Variants in DBH observed in about 807,000 individuals in gnomAD.
DBH encodes dopamine beta-hydroxylase.
A neutral mutation model predicts 64.0 loss-of-function variants in DBH; 49 were observed. The ratio of observed to expected loss-of-function variants is 0.77; its 90% confidence interval spans 0.61 to 0.97. The LOEUF (loss-of-function observed/expected upper bound fraction) is 0.97, where lower values mean the gene tolerates loss of function less well. Among genes scored for constraint, DBH ranks in the 50% least tolerant of loss-of-function variants. The pLI is 0.00. For synonymous variants in DBH, 343 were observed against 347.1 expected (o/e 0.99, Z 0.13); for missense variants, 828 against 826.6 (o/e 1.00, Z -0.02).
chr9:133,648,414 C>A (rs1564211649), intron 6 of DBH, among the ~76,000 whole-genome samples: 1 of 152,224 alleles, frequency 6.6e-6, no homozygotes, highest in African/African-American at 2.4e-5. Flanking sequence ...CTCTTTGTGT[C>A]CTTCCAGACC....
chr9:133,646,413 G>A lies in DBH; in HGVS notation c.1025-1433G>A, dbSNP rs565345521. Among the ~76,000 whole-genome samples the A allele has an allele frequency of 1.5e-4, 23 of 152,248 alleles. No individual in the cohort carries two copies. In the South Asian group the frequency reaches 1.7e-3, roughly 11 times the overall value. ...TCCTCCGCCAACCATGAGCCCAGCC[G>A]GTACTCAGAGCCTGGCTGCTGATTC... On this transcript the variant is annotated intron_variant, in intron 5 of 11. Transcript: ENST00000393056.
chr9:133,658,010 T>C lies in DBH; in HGVS notation c.1723-306T>C, dbSNP rs550085746. 5.9e-5 allele frequency among the ~76,000 whole-genome samples: 9 copies of C among 152,190 alleles called. No homozygotes were observed. The East Asian group carries it at 1.5e-3, about 26-fold the overall frequency. On this transcript the variant is annotated intron_variant, in intron 11 of 11. Transcript: ENST00000393056. Reference sequence around the variant, plus strand: ...GAGGGGAAGAGATAGCTAAAAAATATCAGAGCCTGCAGCCAGGGGCTCTGG... The same window carrying C: ...GAGGGGAAGAGATAGCTAAAAAATACCAGAGCCTGCAGCCAGGGGCTCTGG...
chr9:133,647,764 G>T (rs1832199421), intron 5 of DBH, 82 bp from the exon 6 acceptor site: 8 of 1,560,560 alleles, frequency 5.1e-6, no homozygotes, highest in Non-Finnish European at 7.0e-6. Context: ...GGTGGCTGGG[G>T]TCATAGGGAT....
At chr9:133,637,933 C>T (rs1232886895) in intron 1 of DBH, among the ~76,000 whole-genome samples, 3 of 152,248 alleles carry the variant, frequency 2.0e-5, no homozygotes, top group Non-Finnish European at 2.9e-5. Flanking sequence ...AGACCTGGGA[C>T]AGCCCTGATT....
chr9:133,647,126 T>C (rs1832190855), intron 5 of DBH, among the ~76,000 whole-genome samples: 1 of 152,124 alleles, frequency 6.6e-6, no homozygotes, highest in East Asian at 1.9e-4. Flanking sequence ...GCCCTCCTCC[T>C]GGGGGGCCAC....
intron 6 of DBH, among the ~76,000 whole-genome samples, chr9:133,650,449 T>C (rs1169542489): frequency 1.3e-5 from 2 of 150,032 alleles, no homozygotes; most frequent in East Asian, 1.9e-4. Flanking sequence ...TTCCTTCTTT[T>C]CTTTCCTTTC....
At chr9:133,639,695 G>A in intron 1 of DBH, 151 bp from the exon 2 acceptor site, 2 of 830,492 alleles carry the variant, frequency 2.4e-6, no homozygotes, top group Non-Finnish European at 3.9e-6. Flanking sequence ...CACAGCCCCA[G>A]GCAGAACCCT....
chr9:133,639,727 C>G, intron 1 of DBH, 119 bp from the exon 2 acceptor site: 1 of 1,135,072 alleles, frequency 8.8e-7, no homozygotes, highest in East Asian at 2.6e-5. Flanking sequence ...GGACTGAGGC[C>G]CAGCATCCCC....
Position 133,656,616 on chromosome 9 carries a change from G to A in DBH, c.1528G>A (p.Gly510Ser), listed in dbSNP as rs144040856. ...GCTCTGCAAGAGCGCTGTGGACGCCGGCTTCCTGCAGAAGTACTTCCACCT... is the reference window on the plus strand; with the variant it reads ...GCTCTGCAAGAGCGCTGTGGACGCCAGCTTCCTGCAGAAGTACTTCCACCT... ...LELCKSAVDA[G>S]FLQKYFHLIN... Residue 510 changes from glycine to serine, a missense_variant, in exon 10 of 12, where the codon GGC becomes AGC. Coordinates refer to ENST00000393056, the MANE Select transcript of DBH (RefSeq NM_000787.4). 110 of 1,613,100 alleles carry A rather than the reference G, an allele frequency of 6.8e-5. No individual in the cohort carries two copies. The highest frequency in any genetic ancestry group is 3.3e-4 in the Middle Eastern group (2 of 6,084).
chr9:133,653,762 C>G (rs1470154312), intron 9 of DBH, among the ~76,000 whole-genome samples: 1 of 152,158 alleles, frequency 6.6e-6, no homozygotes, highest in Non-Finnish European at 1.5e-5. Context: ...CAGGCAGCAC[C>G]AGGACACGGG....
chr9:133,644,452 GC>G lies in DBH; in HGVS notation c.1024+133del, dbSNP rs1236053886. On this transcript the variant is annotated intron_variant, in intron 5 of 11. Transcript: ENST00000393056. Reference sequence around the variant, plus strand: ...CAGCTCCTCTTGGCACGAGGCCCTTGCGTCTGCCTCATCCGCTGTCCATCTT... The same window carrying G: ...CAGCTCCTCTTGGCACGAGGCCCTTGGTCTGCCTCATCCGCTGTCCATCTT... 3.9e-6 allele frequency: 3 copies of G among 773,148 alleles called. No homozygotes were observed. In the Admixed American group the frequency reaches 6.0e-5, roughly 15 times the overall value. 47.9% of individuals were successfully genotyped at this position (773,148 alleles called of 1,614,324 possible).
intron 2 of DBH, among the ~76,000 whole-genome samples, 180 bp from the exon 3 acceptor site, chr9:133,642,027 G>A (rs757618124): frequency 1.2e-4 from 19 of 152,204 alleles, no homozygotes; most frequent in Non-Finnish European, 2.5e-4. Flanking sequence ...CCTGGGGGTC[G>A]TCAGCCCGGG....
chr9:133,642,590 C>A, intron 3 of DBH, 126 bp downstream of exon 3: 1 of 1,183,428 alleles, frequency 8.5e-7, no homozygotes, highest in Non-Finnish European at 1.2e-6. Context: ...TCACTGGAAC[C>A]TCAGGCACCT....
intron 8 of DBH, 64 bp downstream of exon 8, chr9:133,652,348 G>A (rs1404310746): frequency 1.9e-6 from 3 of 1,578,682 alleles, no homozygotes; most frequent in Non-Finnish European, 2.6e-6. Context: ...GAGAGGGCTG[G>A]GGGTGCCACC....
chr9:133,648,819 T>G (rs529906120), intron 6 of DBH, among the ~76,000 whole-genome samples: 1 of 152,376 alleles, frequency 6.6e-6, no homozygotes, highest in South Asian at 2.1e-4. Context: ...ACTGTCTCCC[T>G]ATCAATCAGT....
At chr9:133,642,642 A>G (rs914642792) in intron 3 of DBH, among the ~76,000 whole-genome samples, 178 bp downstream of exon 3, 1 of 151,404 alleles carries the variant, frequency 6.6e-6, no homozygotes, top group Non-Finnish European at 1.5e-5. Flanking sequence ...CTTCCCCATC[A>G]CTCTGCTCAC....
chr9:133,637,190 C>T (rs1028827039), intron 1 of DBH, among the ~76,000 whole-genome samples: 23 of 152,334 alleles, frequency 1.5e-4, no homozygotes, highest in Middle Eastern at 6.8e-3. Context: ...ACCTACTGTG[C>T]TTGTACCCGT....
chr9:133,657,423 A>T, intron 11 of DBH, 194 bp downstream of exon 11: 3 of 402,110 alleles, frequency 7.5e-6, no homozygotes, highest in East Asian at 9.3e-5. Flanking sequence ...GAGGAGAGAG[A>T]GGAGAGAGAG....
chr9:133,657,417 A>AGAGAGGG, intron 11 of DBH, 188 bp downstream of exon 11: 3 of 37,466 alleles, frequency 8.0e-5, no homozygotes, highest in Non-Finnish European at 1.5e-4. Context: ...AGGAGAGAGG[A>AGAGAGGG]GAGAGAGGAG....
Sources: allele counts gnomAD v4.1 joint callset (sites outside exome capture counted in the v4.1 genomes callset), GRCh38; gene constraint gnomAD v4.1.1; transcripts MANE v1.5; gene names NCBI Gene and HGNC (gene_info 2026-07-23, HGNC 2026-07-21).